Variants in ARHGAP15 observed in about 807,000 individuals in gnomAD.
ARHGAP15 encodes rho GTPase-activating protein 15.
ARHGAP15 carries 51 observed loss-of-function variants against 63.7 expected under a neutral mutation model. The observed-to-expected ratio is 0.80, with a 90% CI of 0.64 to 1.01. The LOEUF (loss-of-function observed/expected upper bound fraction) is 1.01. Ranked by LOEUF, ARHGAP15 falls within the 50% of genes least tolerant of loss-of-function variation. The pLI is 0.00. For synonymous variants in ARHGAP15, 191 were observed against 193.8 expected, an observed-to-expected ratio of 0.99 and a Z score of 0.12; for missense variants, 560 against 564.6, an observed-to-expected ratio of 0.99 and a Z score of 0.08.
intron 6 of ARHGAP15, among the ~76,000 whole-genome samples, chr2:143,389,575 A>G (rs1047498596): frequency 1.3e-5 from 2 of 152,172 alleles, no homozygotes; most frequent in African/African-American, 2.4e-5. Context: ...TCAAAGGAAA[A>G]TGCAAATTGA....
intron 11 of ARHGAP15, among the ~76,000 whole-genome samples, chr2:143,572,444 C>T (rs911505777): frequency 1.3e-5 from 2 of 152,118 alleles, no homozygotes; most frequent in African/African-American, 4.8e-5. Flanking sequence ...CTGTTCTCAG[C>T]GTTATCATCC....
At chr2:143,566,897 T>G (rs1294845472) in intron 11 of ARHGAP15, among the ~76,000 whole-genome samples, 1 of 151,878 alleles carries the variant, frequency 6.6e-6, no homozygotes, top group Non-Finnish European at 1.5e-5. Flanking sequence ...CTGCTGCTTT[T>G]TTTTTTTTGA....
chr2:143,716,742 G>A (rs1221348040), intron 13 of ARHGAP15, among the ~76,000 whole-genome samples: 3 of 152,190 alleles, frequency 2.0e-5, no homozygotes, highest in Admixed American at 6.5e-5. Flanking sequence ...ACCAATACTC[G>A]ATTGTGTTTC....
At chr2:143,250,803 A>C (rs1285169828) in intron 6 of ARHGAP15, among the ~76,000 whole-genome samples, 1 of 152,044 alleles carries the variant, frequency 6.6e-6, no homozygotes, top group Non-Finnish European at 1.5e-5. Context: ...TCTAAACACA[A>C]AATGTATGTT....
At chr2:143,755,721 A>G (rs1002538395) in intron 13 of ARHGAP15, among the ~76,000 whole-genome samples, 14 of 152,168 alleles carry the variant, frequency 9.2e-5, no homozygotes, top group African/African-American at 2.9e-4. Flanking sequence ...CACACCTGTA[A>G]TCCCAGCACT....
chr2:143,733,664 C>T (rs1372742399), intron 13 of ARHGAP15, among the ~76,000 whole-genome samples: 1 of 152,168 alleles, frequency 6.6e-6, no homozygotes, highest in Non-Finnish European at 1.5e-5. Context: ...CATTTTCAGT[C>T]AGAAGCTATA....
At chr2:143,500,522 A>G (rs1055396466) in intron 9 of ARHGAP15, among the ~76,000 whole-genome samples, 20 of 152,206 alleles carry the variant, frequency 1.3e-4, no homozygotes, top group Admixed American at 1.2e-3. Flanking sequence ...GAATAGTGAT[A>G]TGTATGTTCA....
At chr2:143,365,643 A>T (rs1034302199) in intron 6 of ARHGAP15, among the ~76,000 whole-genome samples, 1 of 152,254 alleles carries the variant, frequency 6.6e-6, no homozygotes, top group African/African-American at 2.4e-5. Flanking sequence ...AGCCTGGATT[A>T]TAAACATAGA....
intron 9 of ARHGAP15, among the ~76,000 whole-genome samples, chr2:143,509,524 C>T (rs1693483849): frequency 6.6e-6 from 1 of 152,132 alleles, no homozygotes; most frequent in Admixed American, 6.5e-5. Flanking sequence ...TATATTCTGT[C>T]GTGTTTTAGC....
intron 4 of ARHGAP15, among the ~76,000 whole-genome samples, chr2:143,226,074 C>A (rs1468584489): frequency 2.6e-5 from 4 of 152,176 alleles, no homozygotes; most frequent in African/African-American, 9.7e-5. Flanking sequence ...GGCGTCAGAG[C>A]AAGTCATGTT....
In ARHGAP15 at chr2:143,560,050, A is replaced by G. The variant is rs189530627; in HGVS notation, c.1003+3565A>G. 4.6e-5 allele frequency among the ~76,000 whole-genome samples: 7 copies of G among 152,312 alleles called. No individual in the cohort carries two copies. The East Asian group carries it at 7.7e-4, about 17-fold the overall frequency. On this transcript the variant is annotated intron_variant, in intron 11 of 13. Coordinates refer to ENST00000295095, the MANE Select transcript of ARHGAP15 (RefSeq NM_018460.4). Reference sequence around the variant, plus strand: ...AGATTTTCAAGACAGATGAATTGCAATTTATGTATTTCACTAACTTTCTTG... The same window carrying G: ...AGATTTTCAAGACAGATGAATTGCAGTTTATGTATTTCACTAACTTTCTTG...
intron 4 of ARHGAP15, among the ~76,000 whole-genome samples, chr2:143,226,255 G>T (rs1693208923): frequency 6.6e-6 from 1 of 152,146 alleles, no homozygotes; most frequent in African/African-American, 2.4e-5. Context: ...AGGATGGGGA[G>T]AGTTTTTGCC....
chr2:143,414,107 A>G (rs1267917520), intron 6 of ARHGAP15, among the ~76,000 whole-genome samples: 1 of 151,488 alleles, frequency 6.6e-6, no homozygotes, highest in Non-Finnish European at 1.5e-5. Context: ...GGAAACAAAA[A>G]ATATATATGT....
intron 1 of ARHGAP15, among the ~76,000 whole-genome samples, chr2:143,148,521 C>T (rs1051313218): frequency 2.6e-5 from 4 of 152,052 alleles, no homozygotes; most frequent in South Asian, 4.1e-4. Flanking sequence ...TTTTACTTGA[C>T]ATTTTCACCA....
chr2:143,480,961 A>T (rs1049777875), intron 8 of ARHGAP15, among the ~76,000 whole-genome samples: 1 of 152,240 alleles, frequency 6.6e-6, no homozygotes, highest in African/African-American at 2.4e-5. Flanking sequence ...AAAGTAGTTA[A>T]GCAGGGTAAT....
intron 4 of ARHGAP15, among the ~76,000 whole-genome samples, chr2:143,217,542 A>T (rs1364172793): frequency 6.6e-6 from 1 of 152,188 alleles, no homozygotes; most frequent in African/African-American, 2.4e-5. Context: ...GATGCACAGG[A>T]GACAAGATCA....
At chr2:143,246,656 C>T (rs1208316163) in intron 5 of ARHGAP15, among the ~76,000 whole-genome samples, 2 of 151,744 alleles carry the variant, frequency 1.3e-5, no homozygotes, top group African/African-American at 4.8e-5. Flanking sequence ...GAGCGATATC[C>T]TTGGAGGAGA....
intron 12 of ARHGAP15, among the ~76,000 whole-genome samples, chr2:143,664,359 T>C (rs1415915179): frequency 1.3e-5 from 2 of 151,670 alleles, no homozygotes; most frequent in African/African-American, 2.4e-5. Flanking sequence ...AAGATGTTCT[T>C]TGAAACCAAC....
At chr2:143,716,092 A>G (rs1684798514) in intron 13 of ARHGAP15, among the ~76,000 whole-genome samples, 1 of 152,158 alleles carries the variant, frequency 6.6e-6, no homozygotes, top group African/African-American at 2.4e-5. Flanking sequence ...AGGTGATAGG[A>G]AGATCTGTGC....
Sources: allele counts gnomAD v4.1 joint callset (sites outside exome capture counted in the v4.1 genomes callset), GRCh38; gene constraint gnomAD v4.1.1; transcripts MANE v1.5; gene names NCBI Gene and HGNC (gene_info 2026-07-23, HGNC 2026-07-21).